TRMT11: variants seen among roughly 807,000 people sequenced by gnomAD.
TRMT11 encodes tRNA (guanine(10)-N(2))-methyltransferase TRMT11.
TRMT11 carries 53 observed loss-of-function variants against 62.8 expected under a neutral mutation model. The observed-to-expected ratio is 0.84, with a 90% CI of 0.68 to 1.06. The LOEUF (loss-of-function observed/expected upper bound fraction) is 1.06. Among genes scored for constraint, TRMT11 ranks in the 50% least tolerant of loss-of-function variants. TRMT11 has a pLI of 0.00. For missense variants in TRMT11, 556 were observed against 553.4 expected, an observed-to-expected ratio of 1.00 and a Z score of -0.05; for synonymous variants, 188 against 190.3, an observed-to-expected ratio of 0.99 and a Z score of 0.10.
chr6:126,151,810 CTT>C (rs1208065219), intron 21 of TRMT11, among the ~76,000 whole-genome samples: 1 of 71,076 alleles, frequency 1.4e-5, no homozygotes, highest in African/African-American at 5.8e-5. Flanking sequence ...TCTGTCTTTT[CTT>C]TCTTTCTTTC....
rs71761301 is a variant in TRMT11 at position 126,064,987 on chromosome 6, AGCTGATCCCCCAG to A, written c.*1437+11800_*1437+11812del. On this transcript the variant is annotated intron_variant and NMD_transcript_variant, in intron 17 of 22. Transcript: ENST00000648977. The stretch of plus-strand genomic sequence containing the variant: ...AAACTGCTTTTACTTTAGATGTGTG[AGCTGATCCCCCAG>A]GCAGCGTTGGTGATCCTGCTTTGAG... 5.6e-3 allele frequency among the ~76,000 whole-genome samples: 854 copies of A among 152,304 alleles called. 4 individuals carry two copies. Among genetic ancestry groups the A allele is most frequent in the African/African-American group, 0.019 (801 of 41,564 alleles).
chr6:126,032,281 A>AATCT (rs1422545246), intron 12 of TRMT11, among the ~76,000 whole-genome samples: 13 of 152,168 alleles, frequency 8.5e-5, no homozygotes, highest in Non-Finnish European at 1.8e-4. Flanking sequence ...CCTCTGCTTA[A>AATCT]ATCTCATCAA....
intron 17 of TRMT11, among the ~76,000 whole-genome samples, chr6:126,066,675 T>C (rs1776701679): frequency 6.6e-6 from 1 of 152,154 alleles, no homozygotes; most frequent in South Asian, 2.1e-4. Flanking sequence ...GACTGAGTTA[T>C]AACCCTGTAG....
At chr6:126,222,248 C>A in the TRMT11 span, among the ~76,000 whole-genome samples, 1 of 152,172 alleles carries the variant, frequency 6.6e-6, no homozygotes, top group African/African-American at 2.4e-5. Context: ...TAACGTGATG[C>A]CTCCTGCTTT....
At chr6:126,223,516 G>A in the TRMT11 span, among the ~76,000 whole-genome samples, 1 of 152,180 alleles carries the variant, frequency 6.6e-6, no homozygotes, top group East Asian at 1.9e-4. Context: ...TAAGGTTTGG[G>A]CTGAAAGGTC....
downstream of TRMT11, among the ~76,000 whole-genome samples, chr6:126,043,710 C>G (rs934205908): frequency 1.2e-4 from 18 of 151,704 alleles, no homozygotes; most frequent in African/African-American, 4.1e-4. Context: ...TCCTCTCCAG[C>G]ACCTGTTGTT....
At chr6:126,141,546 C>G (rs1777917001) in intron 21 of TRMT11, among the ~76,000 whole-genome samples, 1 of 152,100 alleles carries the variant, frequency 6.6e-6, no homozygotes, top group Non-Finnish European at 1.5e-5. Context: ...CCAAGTCCAC[C>G]AAGCCTGGCA....
At chr6:125,995,913 A>C in intron 2 of TRMT11, 54 bp from the exon 3 acceptor site, 1 of 1,059,590 alleles carries the variant, frequency 9.4e-7, no homozygotes. Context: ...GAATAAAAGC[A>C]TATGAGGCCA....
At chr6:126,267,755 G>A in the TRMT11 span, among the ~76,000 whole-genome samples, 1 of 152,120 alleles carries the variant, frequency 6.6e-6, no homozygotes, top group Non-Finnish European at 1.5e-5. Flanking sequence ...ATATTTCAAG[G>A]TGCTTTGCTA....
the TRMT11 span, among the ~76,000 whole-genome samples, chr6:126,225,404 A>C: frequency 6.6e-6 from 1 of 151,940 alleles, no homozygotes; most frequent in Non-Finnish European, 1.5e-5. Flanking sequence ...CAGCAACCCC[A>C]TGCAGGGTTC....
chr6:126,029,482 T>C (rs1773798953), intron 12 of TRMT11, among the ~76,000 whole-genome samples: 2 of 152,186 alleles, frequency 1.3e-5, no homozygotes, highest in South Asian at 4.1e-4. Context: ...CACTATTGAA[T>C]TCATCCCTAA....
At chr6:126,245,558 T>A in the TRMT11 span, among the ~76,000 whole-genome samples, 9 of 152,246 alleles carry the variant, frequency 5.9e-5, no homozygotes, top group African/African-American at 1.9e-4. Context: ...TAGGGACAGA[T>A]GGATTGAATC....
chr6:126,010,711 C>G (rs1794048932), intron 8 of TRMT11, among the ~76,000 whole-genome samples: 1 of 152,044 alleles, frequency 6.6e-6, no homozygotes. Context: ...CCTGGTTTCT[C>G]TGATATTAAT....
chr6:126,030,269 G>A (rs2128039001), intron 12 of TRMT11, among the ~76,000 whole-genome samples: 1 of 152,242 alleles, frequency 6.6e-6, no homozygotes, highest in Non-Finnish European at 1.5e-5. Context: ...AGAACAGTGG[G>A]AAGCTTTGAT....
At chr6:125,993,104 C>G (rs116544467) in intron 1 of TRMT11, among the ~76,000 whole-genome samples, 8 of 151,986 alleles carry the variant, frequency 5.3e-5, no homozygotes. Context: ...TCCATGAGAC[C>G]TATATGGAAG....
Position 126,036,010 on chromosome 6 carries a change from T to C in TRMT11, c.1261-2695T>C, listed in dbSNP as rs535129276. On this transcript the variant is annotated intron_variant, in intron 12 of 12. Transcript: ENST00000334379. ...AGCTAGGCACGCTAGTAATTGAGCC[T>C]GGGTCAGCTTGCTGGAATCACATTT... Among the ~76,000 whole-genome samples the C allele has an allele frequency of 2.0e-5, 3 of 152,276 alleles. No individual in the cohort carries two copies. The East Asian group carries it at 5.8e-4, about 29-fold the overall frequency.
chr6:126,107,728 A>T (rs1413740247), intron 17 of TRMT11, among the ~76,000 whole-genome samples: 1 of 152,208 alleles, frequency 6.6e-6, no homozygotes, highest in East Asian at 1.9e-4. Flanking sequence ...CTCGAAGCCC[A>T]ATAACCTTTT....
chr6:126,049,644 G>C (rs1299692446), intron 16 of TRMT11, among the ~76,000 whole-genome samples: 1 of 152,124 alleles, frequency 6.6e-6, no homozygotes, highest in African/African-American at 2.4e-5. Flanking sequence ...GGGGTGATGA[G>C]ACCTACACAT....
At chr6:126,111,897 T>G (rs1346223062) in intron 17 of TRMT11, among the ~76,000 whole-genome samples, 6 of 152,166 alleles carry the variant, frequency 3.9e-5, no homozygotes, top group Non-Finnish European at 7.3e-5. Context: ...ATATGATGCC[T>G]AATTTCTAGT....
Sources: allele counts gnomAD v4.1 joint callset (sites outside exome capture counted in the v4.1 genomes callset), GRCh38; gene constraint gnomAD v4.1.1; transcripts MANE v1.5; gene names NCBI Gene and HGNC (gene_info 2026-07-23, HGNC 2026-07-21).